The following LUZP2 variants were observed in gnomAD, a reference collection of about 807,000 sequenced individuals.
LUZP2 encodes leucine zipper protein 2.
LUZP2 carries 52 observed loss-of-function variants against 51.6 expected under a neutral mutation model. The ratio of observed to expected loss-of-function variants is 1.01; its 90% CI spans 0.81 to 1.27. LUZP2 has a LOEUF of 1.27. Among genes scored for constraint, LUZP2 ranks in the 50% most tolerant of loss-of-function variants. The probability of loss-of-function intolerance (pLI) is 0.00; values close to 1 mark genes in which losing one functional copy is unlikely to be tolerated. For missense variants in LUZP2, 436 were observed against 395.4 expected (o/e 1.10, Z -0.87); for synonymous variants, 154 against 137.3 (o/e 1.12, Z -0.85).
At chr11:24,692,420 G>A (rs545972844) in intron 1 of LUZP2, among the ~76,000 whole-genome samples, 1 of 151,904 alleles carries the variant, frequency 6.6e-6, no homozygotes, top group Non-Finnish European at 1.5e-5. Context: ...AAGAATATAC[G>A]GTCTTTTTTA....
chr11:24,891,890 C>G (rs1009473423), intron 5 of LUZP2: 1 of 985,372 alleles, frequency 1.0e-6, no homozygotes, highest in East Asian at 1.1e-4. Flanking sequence ...ACAAAAATCA[C>G]AAAAGGATTA....
chr11:24,623,570 G>T (rs1393158297), intron 1 of LUZP2, among the ~76,000 whole-genome samples: 1 of 152,136 alleles, frequency 6.6e-6, no homozygotes, highest in Non-Finnish European at 1.5e-5. Flanking sequence ...AACATGCCAG[G>T]CACAGTGGCT....
intron 5 of LUZP2, among the ~76,000 whole-genome samples, chr11:24,883,403 A>T (rs1295766707): frequency 6.9e-6 from 1 of 144,842 alleles, no homozygotes; most frequent in African/African-American, 2.9e-5. Flanking sequence ...TGCACTTGGA[A>T]CAAAAAAGCA....
chr11:24,646,411 G>A (rs1431912361), intron 1 of LUZP2, among the ~76,000 whole-genome samples: 6 of 152,038 alleles, frequency 3.9e-5, no homozygotes, highest in African/African-American at 1.4e-4. Flanking sequence ...TAAACAAGAA[G>A]TCAGGAGAAA....
chr11:24,668,423 G>T (rs1303326275), intron 1 of LUZP2, among the ~76,000 whole-genome samples: 1 of 152,092 alleles, frequency 6.6e-6, no homozygotes, highest in Non-Finnish European at 1.5e-5. Flanking sequence ...TCTCAAAGTG[G>T]CTTTCTGTCT....
At chr11:24,569,579 A>G (rs1441251947) in intron 1 of LUZP2, among the ~76,000 whole-genome samples, 49 of 152,058 alleles carry the variant, frequency 3.2e-4, no homozygotes, top group Admixed American at 3.2e-3. Context: ...GCCAATGAAA[A>G]TAGGAAATTA....
intron 10 of LUZP2, among the ~76,000 whole-genome samples, chr11:25,056,992 G>C (rs10834594): frequency 0.96 from 145,206 of 151,824 alleles, 69,516 homozygotes; most frequent in East Asian, 1. Context: ...CCCAGCTACT[G>C]GAGAGGCTGA....
chr11:24,906,858 T>C (rs992197589), intron 6 of LUZP2, among the ~76,000 whole-genome samples: 1 of 152,162 alleles, frequency 6.6e-6, no homozygotes, highest in Non-Finnish European at 1.5e-5. Flanking sequence ...GAATGTCTTA[T>C]ACCTAAGATG....
At chr11:24,858,429 T>C (rs913706338) in intron 5 of LUZP2, among the ~76,000 whole-genome samples, 1 of 152,190 alleles carries the variant, frequency 6.6e-6, no homozygotes, top group Admixed American at 6.6e-5. Flanking sequence ...AGTAACTTAC[T>C]TGGACACAGT....
chr11:24,907,331 A>T (rs1402945256), intron 6 of LUZP2, among the ~76,000 whole-genome samples: 3 of 151,838 alleles, frequency 2.0e-5, no homozygotes, highest in African/African-American at 7.2e-5. Flanking sequence ...ACACAAATAC[A>T]AAATAACATG....
chr11:24,808,647 G>T (rs1160178753), intron 5 of LUZP2, among the ~76,000 whole-genome samples: 1 of 152,028 alleles, frequency 6.6e-6, no homozygotes, highest in African/African-American at 2.4e-5. Flanking sequence ...TGGCCCATGG[G>T]CTAATTGTGA....
At chr11:24,798,653 A>G (rs1202865772) in intron 5 of LUZP2, among the ~76,000 whole-genome samples, 1 of 152,164 alleles carries the variant, frequency 6.6e-6, no homozygotes, top group Non-Finnish European at 1.5e-5. Flanking sequence ...TTATCTGTGC[A>G]GAATGGGCGT....
intron 1 of LUZP2, among the ~76,000 whole-genome samples, chr11:24,538,733 A>C (rs1445413896): frequency 6.6e-6 from 1 of 151,694 alleles, no homozygotes; most frequent in Non-Finnish European, 1.5e-5. Flanking sequence ...TGTAAAAATA[A>C]TTGTGAGAAA....
intron 1 of LUZP2, among the ~76,000 whole-genome samples, chr11:24,648,202 C>T (rs187578997): frequency 1.6e-3 from 242 of 152,008 alleles, no homozygotes; most frequent in Non-Finnish European, 2.5e-3. Context: ...AGACACCTGC[C>T]TGGCTCTTAA....
chr11:24,880,660 G>A (rs1171827444), intron 5 of LUZP2, among the ~76,000 whole-genome samples: 1 of 152,046 alleles, frequency 6.6e-6, no homozygotes, highest in Non-Finnish European at 1.5e-5. Flanking sequence ...AACTTGCTGT[G>A]GGTTGAGATC....
At chr11:24,512,772 T>C (rs1379798220) in intron 1 of LUZP2, among the ~76,000 whole-genome samples, 1 of 150,826 alleles carries the variant, frequency 6.6e-6, no homozygotes, top group Admixed American at 6.6e-5. Context: ...TTTTTGGAGA[T>C]GGAGTCTCAC....
intron 1 of LUZP2, among the ~76,000 whole-genome samples, chr11:24,621,557 G>C (rs1460284384): frequency 6.6e-6 from 1 of 152,122 alleles, no homozygotes; most frequent in Non-Finnish European, 1.5e-5. Flanking sequence ...AAATGTCACT[G>C]AATTCCTAAA....
intron 5 of LUZP2, among the ~76,000 whole-genome samples, chr11:24,773,907 A>G (rs79733099): frequency 0.026 from 3,909 of 152,164 alleles, 180 homozygotes; most frequent in African/African-American, 0.089. Flanking sequence ...CATGTAGCCA[A>G]TGTAGCCATT....
At chr11:24,540,291 A>G (rs1851317587) in intron 1 of LUZP2, among the ~76,000 whole-genome samples, 1 of 152,076 alleles carries the variant, frequency 6.6e-6, no homozygotes, top group Admixed American at 6.6e-5. Flanking sequence ...TCTCTCCCAA[A>G]TTTACTTATT....
Sources: gnomAD v4.1 joint callset for allele counts (sites outside exome capture counted in the v4.1 genomes callset) on GRCh38, gnomAD v4.1.1 for gene constraint, MANE v1.5 for transcripts, NCBI Gene and HGNC (gene_info 2026-07-23, HGNC 2026-07-21) for gene names.